NFKBIL1: variants seen among roughly 807,000 people sequenced by gnomAD.
NFKBIL1 encodes the protein NFKB inhibitor like 1.
Under a neutral mutation model 45.4 loss-of-function variants are expected in NFKBIL1, and 30 were observed. That is an observed-to-expected ratio of 0.66 (90% CI 0.49 to 0.90). The LOEUF (loss-of-function observed/expected upper bound fraction) is 0.90. Among genes scored for constraint, NFKBIL1 ranks in the 40% least tolerant of loss-of-function variants. The pLI is 0.00. For missense variants in NFKBIL1, 434 were observed against 513.4 expected (o/e 0.85, Z 1.49); for synonymous variants, 179 against 197.3 (o/e 0.91, Z 0.78).
At chr6:31,548,000 C>A (rs1450085426) in intron 1 of NFKBIL1, among the ~76,000 whole-genome samples, 163 bp from the exon 2 acceptor site, 1 of 152,084 alleles carries the variant, frequency 6.6e-6, no homozygotes, top group Non-Finnish European at 1.5e-5. Context: ...TTTTTCAAAT[C>A]TATCATCTGA....
At chr6:31,553,476 C>T (rs553351136) in intron 2 of NFKBIL1, among the ~76,000 whole-genome samples, 2 of 152,284 alleles carry the variant, frequency 1.3e-5, no homozygotes, top group Non-Finnish European at 2.9e-5. Context: ...ACACCAAATT[C>T]ATGGGACAGA....
At chr6:31,547,484 G>A, upstream of NFKBIL1, 1 of 416,034 alleles carries the variant, frequency 2.4e-6, no homozygotes, top group Non-Finnish European at 4.3e-6. Flanking sequence ...TTTCCCCTGG[G>A]AGATCTGGCC....
At position 31,558,007 on chromosome 6, in the gene NFKBIL1, C is replaced by CCCCA; in HGVS notation, c.557-15_557-14insCCCA. On this transcript the variant is annotated splice_polypyrimidine_tract_variant and intron_variant, in intron 3 of 3. Coordinates refer to ENST00000376148, the MANE Select transcript of NFKBIL1 (RefSeq NM_005007.4). The surrounding 1 kb of genome is among the most constrained non-coding windows in gnomAD (Gnocchi z 7.2). ...AGCCTCTCTCCAACTACCCCCATCC[C>CCCCA]ACCCTCCCAAACAGGTGATGCCTCC... 1 of 1,457,582 alleles carries CCCCA rather than the reference C, an allele frequency of 6.9e-7. No individual in the cohort carries two copies. The highest frequency in any genetic ancestry group is 9.5e-7 in the Non-Finnish European group (1 of 1,052,928). The allele number at this position is 1,457,582 out of a possible 1,614,324, so 90.3% of individuals were successfully genotyped here.
At position 31,558,041 on chromosome 6, in the gene NFKBIL1, C is replaced by A. The variant is rs186628898; in HGVS notation, c.576C>A (p.Thr192=). 4 of 1,607,820 alleles carry A rather than the reference C, an allele frequency of 2.5e-6. No homozygotes were observed. The highest frequency in any genetic ancestry group is 3.3e-5 in the Admixed American group (2 of 59,774). Residue 192 remains threonine, a synonymous_variant, in exon 4 of 4, where the codon ACC becomes ACA. Coordinates refer to ENST00000376148, the MANE Select transcript of NFKBIL1 (RefSeq NM_005007.4). This position sits in a 1 kb window ranked among gnomAD's most constrained non-coding sequence, Gnocchi z 7.2. The part of the protein sequence containing the change: ...GRFEGDASHE[T]QEPESFSAWS... ...AAACAGGTGATGCCTCCCATGAAAC[C>A]CAGGAACCTGAGTCCTTCTCAGCCT... is the stretch of plus-strand genomic sequence containing the variant.
At position 31,548,165 on chromosome 6, in the gene NFKBIL1, CAA is replaced by C. The variant is rs1769199210; in HGVS notation, c.61_62del (p.Lys21GlufsTer69). The C allele has an allele frequency of 6.2e-7, 1 of 1,613,146 alleles. No homozygotes were observed. The highest frequency in any genetic ancestry group is 8.5e-7 in the Non-Finnish European group (1 of 1,180,052). On this transcript the variant is annotated frameshift_variant, in exon 2 of 4. Transcript: ENST00000376148. LOFTEE classifies it high-confidence loss of function. ...TGCTGCCTTTTTTCCTTCCCCAGCC[CAA>C]GAGTTCCATGGCCTCCACTTCCCGC... ...EEASTSVCRPKSSMASTSRRQ... is the reference protein window; with the variant it reads ...EEASTSVCRPXSSMASTSRRQ...
At chr6:31,550,832 G>A (rs1374636804) in intron 2 of NFKBIL1, among the ~76,000 whole-genome samples, 2 of 151,958 alleles carry the variant, frequency 1.3e-5, no homozygotes, top group Non-Finnish European at 2.9e-5. Context: ...TGGGATTACA[G>A]GCATGCACCA....
intron 2 of NFKBIL1, among the ~76,000 whole-genome samples, chr6:31,551,781 TA>T (rs1227987033): frequency 6.6e-6 from 1 of 151,678 alleles, no homozygotes; most frequent in Non-Finnish European, 1.5e-5. Context: ...TTTTATTTAT[TA>T]ATTTTTAAAT....
chr6:31,555,675 G>A (rs1769695219), intron 2 of NFKBIL1, among the ~76,000 whole-genome samples: 1 of 141,448 alleles, frequency 7.1e-6, no homozygotes, highest in South Asian at 2.3e-4. Flanking sequence ...GAATGCAGAG[G>A]CGCGATCTCG....
Position 31,548,532 on chromosome 6 carries a change from G to T in NFKBIL1, c.334+93G>T, listed in dbSNP as rs556299273. Reference sequence around the variant, plus strand: ...AGTTGAGAAATAAGCTGGTTATTTGGTCATCAGGACCTAGGGAAGGAGTTA... The same window carrying T: ...AGTTGAGAAATAAGCTGGTTATTTGTTCATCAGGACCTAGGGAAGGAGTTA... On this transcript the variant is annotated intron_variant, in intron 2 of 3. Transcript: ENST00000376148. 3.3e-5 allele frequency: 45 copies of T among 1,344,772 alleles called. No homozygotes were observed. In the South Asian group the frequency reaches 7.0e-4, roughly 21 times the overall value. The allele number at this position is 1,344,772 out of a possible 1,614,324, so 83.3% of individuals were successfully genotyped here. A position where few individuals can be genotyped will look rare whatever the true frequency, so the allele number is the denominator to read the frequency against.
At chr6:31,555,457 C>T (rs181895929) in intron 2 of NFKBIL1, among the ~76,000 whole-genome samples, 4,170 of 149,748 alleles carry the variant, frequency 0.028, 107 homozygotes, top group South Asian at 0.079. Flanking sequence ...AGGCTGGTCT[C>T]GAACTCCTGA....
rs1162617767 is a variant in NFKBIL1, at chr6:31,558,516, C to T, written c.1051C>T (p.Arg351Ter). 12 of 1,559,860 alleles carry T rather than the reference C, an allele frequency of 7.7e-6. No individual in the cohort carries two copies. The highest frequency in any genetic ancestry group is 2.4e-5 in the East Asian group (1 of 42,312). The change falls in exon 4 of 4, where the codon CGA becomes TGA. Residue 351 changes from arginine to a stop codon, truncating the protein, a stop_gained. Transcript: ENST00000376148. LOFTEE classifies it high-confidence loss of function. This position sits in a 1 kb window ranked among gnomAD's most constrained non-coding sequence, Gnocchi z 7.2. ...WHPDRFLQRF[R>*]SQIETWELGR... is the part of the protein sequence containing the mutation. ...CCCTGACCGCTTCCTGCAGCGATTC[C>T]GAAGCCAGATTGAGACCTGGGAGCT...
Position 31,558,282 on chromosome 6 carries a change from G to A in NFKBIL1, c.817G>A (p.Glu273Lys). 1 of 1,586,414 alleles carries A rather than the reference G, an allele frequency of 6.3e-7. No individual in the cohort carries two copies. The highest frequency in any genetic ancestry group is 8.6e-7 in the Non-Finnish European group (1 of 1,166,314). Residue 273 changes from glutamate (E) to lysine (K), a missense_variant, in exon 4 of 4, where the codon GAA (glutamate) becomes AAA (lysine). Physicochemically the swap from Glu to Lys is moderately conservative, Grantham distance 56. Around this residue, in one of 4 missense-constraint regions of NFKBIL1, gnomAD observed 128 missense variants for 106.5 expected, o/e 1.20. Coordinates refer to ENST00000376148, the MANE Select transcript of NFKBIL1 (RefSeq NM_005007.4). This position sits in a 1 kb window ranked among gnomAD's most constrained non-coding sequence, Gnocchi z 7.2. ...GGCGCAGGAGGCTCTAGGGGACCGA[G>A]AACCCAAGCCAACCAGGGCCGGGCC... ...RRAQEALGDR[E>K]PKPTRAGPRE...
Position 31,558,618 on chromosome 6 carries a change from G to A in NFKBIL1, c.*7G>A. ...TGCAGAGGCCCTCAAGTGACCCTAG[G>A]GAAGAAGCAAGAAACTTCGGGGCTG... On this transcript the variant is annotated 3_prime_UTR_variant, in exon 4 of 4. Coordinates refer to ENST00000376148, the MANE Select transcript of NFKBIL1 (RefSeq NM_005007.4). This position sits in a 1 kb window ranked among gnomAD's most constrained non-coding sequence, Gnocchi z 7.2. 1 of 1,536,080 alleles carries A rather than the reference G, an allele frequency of 6.5e-7. No homozygotes were observed. Among genetic ancestry groups the A allele is most frequent in the Non-Finnish European group, 8.8e-7 (1 of 1,135,686 alleles).
chr6:31,557,589 G>C lies in NFKBIL1; in HGVS notation c.335-39G>C. The C allele has an allele frequency of 6.9e-7, 1 of 1,452,714 alleles. No individual in the cohort carries two copies. Among genetic ancestry groups the C allele is most frequent in the East Asian group, 2.4e-5 (1 of 41,680 alleles). The allele number at this position is 1,452,714 out of a possible 1,614,324, so 90.0% of individuals were successfully genotyped here. A position where few individuals can be genotyped will look rare whatever the true frequency, so the allele number is the denominator to read the frequency against. ...ATGGCAGCTCTGCCGAGGAGTGGGA[G>C]TCCCAGCTAACTTCTGCTCCCTGCT... On this transcript the variant is annotated intron_variant, in intron 2 of 3. Transcript: ENST00000376148. The surrounding 1 kb of genome is among the most constrained non-coding windows in gnomAD (Gnocchi z 5.4).
Position 31,558,154 on chromosome 6 carries a change from A to C in NFKBIL1, c.689A>C (p.Glu230Ala). The change falls in exon 4 of 4, where the codon GAG (glutamate) becomes GCG (alanine). Residue 230 changes from glutamate to alanine, a missense_variant. Physicochemically the swap from Glu to Ala is moderately radical, Grantham distance 107 (BLOSUM62 -1). Transcript: ENST00000376148. The surrounding 1 kb of genome is among the most constrained non-coding windows in gnomAD (Gnocchi z 7.2). ...GGATCCCGTCGACCCCCACGTGCTG[A>C]GGGCTCCAGCCAGAGCTGGCGACAG... is the stretch of plus-strand genomic sequence containing the variant. ...AEGSRRPPRA[E>A]GSSQSWRQQE... 6.2e-7 allele frequency: 1 copy of C among 1,611,502 alleles called. No homozygotes were observed. The highest frequency in any genetic ancestry group is 8.5e-7 in the Non-Finnish European group (1 of 1,179,410).
At chr6:31,549,643 C>T (rs545017899) in intron 2 of NFKBIL1, among the ~76,000 whole-genome samples, 1 of 151,860 alleles carries the variant, frequency 6.6e-6, no homozygotes, top group African/African-American at 2.4e-5. Flanking sequence ...TTTCATCAGG[C>T]TGCCACCAAA....
intron 2 of NFKBIL1, among the ~76,000 whole-genome samples, chr6:31,549,368 C>A (rs1474071724): frequency 6.6e-6 from 1 of 151,744 alleles, no homozygotes; most frequent in African/African-American, 2.4e-5. Flanking sequence ...TCTCATGCGT[C>A]AGCCTCCCAA....
Position 31,557,752 on chromosome 6 carries a change from G to A in NFKBIL1, c.459G>A (p.Glu153=). The A allele has an allele frequency of 6.2e-7, 1 of 1,612,768 alleles. No homozygotes were observed. Among genetic ancestry groups the A allele is most frequent in the African/African-American group, 1.3e-5 (1 of 75,050 alleles). ...GWGPPWDSAE[E]EEEDDASKER... The stretch of plus-strand genomic sequence containing the variant: ...GACCCCCCTGGGATTCTGCTGAAGA[G>A]GAGGAAGAAGATGATGCCTCCAAGG... Residue 153 remains glutamate (E), a synonymous_variant, in exon 3 of 4, where the codon GAG becomes GAA. Transcript: ENST00000376148. This position sits in a 1 kb window ranked among gnomAD's most constrained non-coding sequence, Gnocchi z 5.4.
chr6:31,552,510 A>T (rs1264307905), intron 2 of NFKBIL1, among the ~76,000 whole-genome samples: 2 of 149,690 alleles, frequency 1.3e-5, no homozygotes, highest in Non-Finnish European at 3.0e-5. Flanking sequence ...GATGGTCTCG[A>T]TCTCTTGACC....
Sources: gnomAD v4.1 joint callset for allele counts (sites outside exome capture counted in the v4.1 genomes callset) on GRCh38, gnomAD v4.1.1 for gene constraint, gnomAD v4.1.1 regional missense constraint, Gnocchi (gnomAD v3.1) non-coding constraint, MANE v1.5 for transcripts, NCBI Gene and HGNC (gene_info 2026-07-23, HGNC 2026-07-21) for gene names.